Variants in CCDC47 observed in about 807,000 individuals in gnomAD.
CCDC47 encodes the protein coiled-coil domain containing 47, also known as PAT complex subunit CCDC47.
A neutral mutation model predicts 60.5 loss-of-function variants in CCDC47; 41 were observed. The observed-to-expected ratio is 0.68, with a 90% CI of 0.53 to 0.88. CCDC47 has a LOEUF of 0.88. Among genes scored for constraint, CCDC47 ranks in the 40% least tolerant of loss-of-function variants. CCDC47 has a pLI of 0.00. For missense variants in CCDC47, 513 were observed against 580.9 expected (o/e 0.88, Z 1.20); for synonymous variants, 195 against 190.7 (o/e 1.02, Z -0.18).
At chr17:63,764,235 G>T in intron 3 of CCDC47, 45 bp from the exon 4 acceptor site, 17 of 1,389,558 alleles carry the variant, frequency 1.2e-5, no homozygotes, top group Non-Finnish European at 1.5e-5. Flanking sequence ...TGAGACTGAA[G>T]AATGAAATCT....
At chr17:63,752,259 T>C in intron 11 of CCDC47, 61 bp downstream of exon 11, 2 of 1,417,808 alleles carry the variant, frequency 1.4e-6, no homozygotes, top group Non-Finnish European at 2.0e-6. Context: ...ATAGCTGCCC[T>C]CCCCCTTGAG....
At chr17:63,747,855 TTTTC>T in intron 12 of CCDC47, 1 of 924,196 alleles carries the variant, frequency 1.1e-6, no homozygotes, top group Non-Finnish European at 1.3e-6. Context: ...GTCTTAGGTT[TTTTC>T]TTTATTTTTT....
At chr17:63,750,172 TTAACTC>T (rs2039152478) in intron 12 of CCDC47, among the ~76,000 whole-genome samples, 1 of 152,198 alleles carries the variant, frequency 6.6e-6, no homozygotes, top group Non-Finnish European at 1.5e-5. Flanking sequence ...CCCTCTTCCT[TTAACTC>T]ATTATAGTTT....
rs2039168544 is a variant in CCDC47, at chr17:63,751,889, G to A, written c.1371+51C>T. The stretch of plus-strand genomic sequence containing the variant: ...TACCTTAACAACCAACAGAACACAA[G>A]CAGTCATCCTTACAAATCGTAGTTT... On this transcript the variant is annotated intron_variant, in intron 12 of 12. Coordinates refer to ENST00000225726, the MANE Select transcript of CCDC47 (RefSeq NM_020198.3). 3 of 1,587,270 alleles carry A rather than the reference G, an allele frequency of 1.9e-6. 1 individual carries two copies. Among genetic ancestry groups the A allele is most frequent in the South Asian group, 2.2e-5 (2 of 90,564 alleles).
At chr17:63,761,145 A>T (rs1482734874) in intron 5 of CCDC47, 85 bp downstream of exon 5, 20 of 1,542,548 alleles carry the variant, frequency 1.3e-5, no homozygotes, top group Non-Finnish European at 1.5e-5. Context: ...ACATGAAGGG[A>T]TAAGATGCTG....
At chr17:63,755,597 T>C (rs886230600) in intron 8 of CCDC47, among the ~76,000 whole-genome samples, 6 of 152,082 alleles carry the variant, frequency 3.9e-5, no homozygotes, top group African/African-American at 1.4e-4. Context: ...CCTAAAATAA[T>C]TTCAGGGGAT....
rs985010025 is a variant in CCDC47, at chr17:63,745,531, A to C, written c.*1350T>G. The C allele has an allele frequency of 2.6e-5, 4 of 152,238 alleles. No homozygotes were observed. The highest frequency in any genetic ancestry group is 2.9e-5 in the Non-Finnish European group (2 of 68,048). 9.4% of individuals were successfully genotyped at this position (152,238 alleles called of 1,614,324 possible). On this transcript the variant is annotated 3_prime_UTR_variant, in exon 13 of 13. Coordinates refer to ENST00000225726, the MANE Select transcript of CCDC47 (RefSeq NM_020198.3). ...TAAAAATATTACATTTGCATCTCTC[A>C]GTTTACATATTTCTGTATTAACTTG...
Position 63,759,509 on chromosome 17 carries a change from ATATATATATATATATATTTATATATAT to A in CCDC47, c.735+1378_735+1404del, listed in dbSNP as rs1568249062. On this transcript the variant is annotated intron_variant, in intron 6 of 12. Transcript: ENST00000225726. ...GTCTCCCAAAAAAAAAAAAAAAAAA[ATATATATATATATATATTTATATATAT>A]ATATATATATATATATATATATATA... 3.5e-3 allele frequency among the ~76,000 whole-genome samples: 80 copies of A among 23,152 alleles called. 23 individuals carry two copies. The highest frequency in any genetic ancestry group is 0.018 in the African/African-American group (72 of 3,986). 15.2% of individuals were successfully genotyped at this position (23,152 alleles called of 152,430 possible).
At chr17:63,759,553 A>ATATATATATATATATATATATATT in intron 6 of CCDC47, among the ~76,000 whole-genome samples, 1 of 83,804 alleles carries the variant, frequency 1.2e-5, no homozygotes, top group Non-Finnish European at 2.3e-5. Flanking sequence ...ATATATATAT[A>ATATATATATATATATATATATATT]TATATATATA....
chr17:63,773,532 G>C lies in CCDC47; in HGVS notation c.-140C>G, dbSNP rs576246787. On this transcript the variant is annotated 5_prime_UTR_variant, in exon 1 of 13. Coordinates refer to ENST00000225726, the MANE Select transcript of CCDC47 (RefSeq NM_020198.3). ...GTTTTACTGCCCCGGATGCCTCTAG[G>C]ACGCAGCCAGAACCGTAGCTCAGTC... 4.9e-4 allele frequency: 75 copies of C among 152,566 alleles called. No homozygotes were observed. Among genetic ancestry groups the C allele is most frequent in the Admixed American group, 4.9e-3 (75 of 15,314 alleles). The allele number at this position is 152,566 out of a possible 1,614,324, so 9.5% of individuals were successfully genotyped here. A position where few individuals can be genotyped will look rare whatever the true frequency, so the allele number is the denominator to read the frequency against.
chr17:63,761,075 A>G, intron 5 of CCDC47, 96 bp from the exon 6 acceptor site: 4 of 1,367,974 alleles, frequency 2.9e-6, no homozygotes, highest in Non-Finnish European at 4.1e-6. Flanking sequence ...CATCAAATAT[A>G]CTTTACGACA....
At chr17:63,770,743 T>C (rs1399278588) in intron 1 of CCDC47, among the ~76,000 whole-genome samples, 1 of 151,910 alleles carries the variant, frequency 6.6e-6, no homozygotes, top group Non-Finnish European at 1.5e-5. Flanking sequence ...CCCAGCACTT[T>C]GGGAGGCCAA....
At chr17:63,771,308 T>C (rs2039340107) in intron 1 of CCDC47, among the ~76,000 whole-genome samples, 1 of 152,128 alleles carries the variant, frequency 6.6e-6, no homozygotes, top group Non-Finnish European at 1.5e-5. Context: ...TATATAAGTA[T>C]ATGGTAGGAG....
chr17:63,758,332 G>A (rs185743822), intron 6 of CCDC47, among the ~76,000 whole-genome samples: 7 of 152,224 alleles, frequency 4.6e-5, no homozygotes, highest in Admixed American at 3.9e-4. Context: ...GTGGGGCTGA[G>A]CCCTTTAATC....
intron 12 of CCDC47, chr17:63,747,547 G>C (rs909662498): frequency 1.0e-6 from 1 of 984,114 alleles, no homozygotes; most frequent in Non-Finnish European, 1.2e-6. Flanking sequence ...AGAAGAGTAA[G>C]AAGGTTCAGG....
In CCDC47 at chr17:63,765,720, T is replaced by C. The variant is rs554821973; in HGVS notation, c.264+192A>G. The C allele has an allele frequency of 2.5e-5, 35 of 1,394,526 alleles. No individual in the cohort carries two copies. In the South Asian group the frequency reaches 3.9e-4, roughly 16 times the overall value. The allele number at this position is 1,394,526 out of a possible 1,614,324, so 86.4% of individuals were successfully genotyped here. ...ACCCCTCTTCCAGTCAGGGTTTCAA[T>C]AGAAGAACACAATTCATTCTGTTAA... On this transcript the variant is annotated intron_variant, in intron 2 of 12. Coordinates refer to ENST00000225726, the MANE Select transcript of CCDC47 (RefSeq NM_020198.3).
Position 63,764,187 on chromosome 17 carries a change from G to C in CCDC47, c.376C>G (p.Pro126Ala). The change falls in exon 4 of 13, where the codon CCT (proline) becomes GCT (alanine). Residue 126 changes from proline (P) to alanine (A), a missense_variant. By Grantham distance (27) the Pro-to-Ala change is conservative. Transcript: ENST00000225726. ...NKDPITIVDV[P>A]AHLQNSWESY... ...TCCCAGCTGTTCTGGAGGTGTGCAG[G>C]AACCTAAAAAAGCAAAATCATTCCA... The C allele has an allele frequency of 6.3e-7, 1 of 1,588,966 alleles. No homozygotes were observed. The highest frequency in any genetic ancestry group is 1.2e-5 in the South Asian group (1 of 86,580).
At chr17:63,759,557 AT>A (rs2039239427) in intron 6 of CCDC47, among the ~76,000 whole-genome samples, 1 of 88,440 alleles carries the variant, frequency 1.1e-5, no homozygotes, top group South Asian at 4.4e-4. Flanking sequence ...ATATATATAT[AT>A]ATATATATAT....
intron 6 of CCDC47, 141 bp from the exon 7 acceptor site, chr17:63,756,711 A>C: frequency 4.8e-6 from 3 of 625,996 alleles, no homozygotes; most frequent in Non-Finnish European, 8.5e-6. Context: ...ATATGATGGA[A>C]TATTACCCCC....
Sources: allele counts gnomAD v4.1 joint callset (sites outside exome capture counted in the v4.1 genomes callset), GRCh38; gene constraint gnomAD v4.1.1; transcripts MANE v1.5; gene names NCBI Gene and HGNC (gene_info 2026-07-23, HGNC 2026-07-21).